The following TRAK1 variants were observed in gnomAD, a reference collection of about 807,000 sequenced individuals.
TRAK1 encodes the protein trafficking kinesin-binding protein 1.
TRAK1 carries 33 observed loss-of-function variants against 92.1 expected under a neutral mutation model. That is an observed-to-expected ratio of 0.36 (90% CI 0.27 to 0.48). The LOEUF (loss-of-function observed/expected upper bound fraction) is 0.48, where lower values mean the gene tolerates loss of function less well. Among genes scored for constraint, TRAK1 ranks in the 20% least tolerant of loss-of-function variants. TRAK1 has a pLI of 0.99. For synonymous variants in TRAK1, 521 were observed against 517.3 expected, an observed-to-expected ratio of 1.01 and a Z score of -0.10; for missense variants, 1,123 against 1,257.9, an observed-to-expected ratio of 0.89 and a Z score of 1.62.
In TRAK1 at chr3:42,210,035, G is replaced by C. The variant is rs373744575; in HGVS notation, c.1963+50G>C. On this transcript the variant is annotated intron_variant, in intron 14 of 15. Coordinates refer to ENST00000327628, the MANE Select transcript of TRAK1 (RefSeq NM_001042646.3). ...CTGTCTCAGGCAGCAGAAGTTACCC[G>C]AGCCGGCCTCAGGCTTCCCCAGAGG... is the stretch of plus-strand genomic sequence containing the variant. 31 of 1,614,120 alleles carry C rather than the reference G, an allele frequency of 1.9e-5. No individual in the cohort carries two copies. In the East Asian group the frequency reaches 6.7e-4, roughly 35 times the overall value.
intron 1 of TRAK1, among the ~76,000 whole-genome samples, chr3:42,047,159 A>G (rs2148908967): frequency 6.6e-6 from 1 of 151,410 alleles, no homozygotes; most frequent in Admixed American, 6.6e-5. Flanking sequence ...CATATGTTTA[A>G]TGGAGACAAG....
chr3:42,038,256 T>C (rs1427059595), intron 1 of TRAK1, among the ~76,000 whole-genome samples: 1 of 152,172 alleles, frequency 6.6e-6, no homozygotes, highest in Non-Finnish European at 1.5e-5. Context: ...CTTTTCTAGG[T>C]GCAAGGGTGT....
intron 2 of TRAK1, among the ~76,000 whole-genome samples, chr3:42,127,145 C>T (rs1358775598): frequency 3.9e-5 from 6 of 152,262 alleles, no homozygotes; most frequent in African/African-American, 1.4e-4. Context: ...CAGTAACCTC[C>T]TTGGTAGATT....
intron 2 of TRAK1, among the ~76,000 whole-genome samples, chr3:42,138,725 A>T (rs1310151038): frequency 2.0e-5 from 1 of 51,000 alleles, no homozygotes; most frequent in African/African-American, 1.0e-4. Context: ...CATATCTATT[A>T]AAAAAAAAAA....
At chr3:42,014,787 A>G (rs560521385) in intron 1 of TRAK1, among the ~76,000 whole-genome samples, 85 of 144,594 alleles carry the variant, frequency 5.9e-4, no homozygotes, top group African/African-American at 2.0e-3. Flanking sequence ...CCTTCAGAGT[A>G]TTCGTCGTTG....
chr3:42,022,940 C>T (rs1031531984), intron 1 of TRAK1, among the ~76,000 whole-genome samples: 5 of 151,778 alleles, frequency 3.3e-5, no homozygotes, highest in Admixed American at 1.3e-4. Flanking sequence ...TGGCGGATCA[C>T]GAGGTCAGGA....
At chr3:42,060,143 C>T (rs1703367770) in intron 1 of TRAK1, among the ~76,000 whole-genome samples, 2 of 151,852 alleles carry the variant, frequency 1.3e-5, no homozygotes, top group Non-Finnish European at 2.9e-5. Context: ...TAGCAGTGAA[C>T]AAAACACACA....
At chr3:42,094,457 A>G (rs1007242719) in intron 1 of TRAK1, among the ~76,000 whole-genome samples, 5 of 152,038 alleles carry the variant, frequency 3.3e-5, no homozygotes, top group Admixed American at 2.0e-4. Flanking sequence ...GTGTATTGCA[A>G]TCTTGAACTC....
chr3:42,052,412 G>T (rs1181223816), intron 1 of TRAK1, among the ~76,000 whole-genome samples: 2 of 152,222 alleles, frequency 1.3e-5, no homozygotes, highest in Non-Finnish European at 2.9e-5. Flanking sequence ...GTAGACTGGT[G>T]CAAAAGTCAG....
chr3:42,067,823 T>A (rs1703745707), intron 1 of TRAK1, among the ~76,000 whole-genome samples: 1 of 152,088 alleles, frequency 6.6e-6, no homozygotes, highest in African/African-American at 2.4e-5. Flanking sequence ...TTTTCTTTTT[T>A]GGCAATCACC....
rs374687016 is a variant in TRAK1, at chr3:42,174,860, C to T, written c.287-1954C>T. Among the ~76,000 whole-genome samples the T allele has an allele frequency of 6.4e-3, 964 of 151,806 alleles. 8 individuals are homozygous for T. Among genetic ancestry groups the T allele is most frequent in the South Asian group, 0.014 (66 of 4,792 alleles). On this transcript the variant is annotated intron_variant, in intron 2 of 15. Transcript: ENST00000327628. Reference sequence around the variant, plus strand: ...GGGATAACAGCCATTAGCCACCTCACCCGGCCCCCTCTGTGTTATTTCTTC... The same window carrying T: ...GGGATAACAGCCATTAGCCACCTCATCCGGCCCCCTCTGTGTTATTTCTTC...
At chr3:42,072,432 A>T (rs1348962164) in intron 1 of TRAK1, among the ~76,000 whole-genome samples, 6 of 152,178 alleles carry the variant, frequency 3.9e-5, no homozygotes, top group Admixed American at 1.3e-4. Flanking sequence ...CAGGCTCTGC[A>T]GCTCAGCCTC....
Position 42,073,244 on chromosome 3 carries a change from C to T in TRAK1, c.-518-13860C>T, listed in dbSNP as rs7651982. 3.5e-3 allele frequency among the ~76,000 whole-genome samples: 538 copies of T among 152,314 alleles called. 2 individuals are homozygous for T. Among genetic ancestry groups the T allele is most frequent in the Non-Finnish European group, 6.1e-3 (418 of 68,024 alleles). ...AGTTGTCCTTGACCCTTTGTCATCT[C>T]CTTCCCTGCGCCTTTGGTTACCCTG... On this transcript the variant is annotated intron_variant, in intron 1 of 16. Coordinates refer to the TRAK1 transcript ENST00000487159.
chr3:42,167,307 C>T (rs1488049407), intron 2 of TRAK1, among the ~76,000 whole-genome samples: 1 of 152,090 alleles, frequency 6.6e-6, no homozygotes, highest in Admixed American at 6.6e-5. Context: ...CAACTGTGGC[C>T]CAAAATGAGA....
chr3:42,045,156 T>C (rs1372264243), intron 1 of TRAK1, among the ~76,000 whole-genome samples: 1 of 152,230 alleles, frequency 6.6e-6, no homozygotes, highest in Non-Finnish European at 1.5e-5. Context: ...GAAGCTGGAC[T>C]CATGCTTCTG....
Position 42,202,443 on chromosome 3 carries a change from G to T in TRAK1, c.1435G>T (p.Glu479Ter). 1 of 1,479,660 alleles carries T rather than the reference G, an allele frequency of 6.8e-7. No homozygotes were observed. The highest frequency in any genetic ancestry group is 1.5e-5 in the South Asian group (1 of 67,594). The allele number at this position is 1,479,660 out of a possible 1,614,324, so 91.7% of individuals were successfully genotyped here. A position where few individuals can be genotyped will look rare whatever the true frequency, so the allele number is the denominator to read the frequency against. The change falls in exon 13 of 16, where the codon GAG becomes TAG. Residue 479 changes from glutamate to a stop codon, truncating the protein, a stop_gained. Transcript: ENST00000327628. LOFTEE classifies it high-confidence loss of function. The surrounding 1 kb of genome is among the most constrained non-coding windows in gnomAD (Gnocchi z 6.1). ...ACCCCTTTCTTCTTCCAGAAACGAT[G>T]AGCGGAGTAAGAAGCCGGGGACGCC... Reference protein sequence around the residue: ...ETEAADLGNDERSKKPGTPGT... With the variant: ...ETEAADLGND
At chr3:42,157,483 A>AAAAAAAAAAAAAAC (rs1700689409) in intron 2 of TRAK1, among the ~76,000 whole-genome samples, 1 of 147,770 alleles carries the variant, frequency 6.8e-6, no homozygotes, top group Non-Finnish European at 1.5e-5. Flanking sequence ...AAAAAAAAAA[A>AAAAAAAAAAAAAAC]AAAAAAGGTT....
At chr3:42,096,299 C>T (rs1705901378) in intron 1 of TRAK1, among the ~76,000 whole-genome samples, 1 of 152,124 alleles carries the variant, frequency 6.6e-6, no homozygotes, top group African/African-American at 2.4e-5. Flanking sequence ...GTTGCTCAGG[C>T]TGGAGTGTAG....
chr3:42,137,407 C>T (rs1316449115), intron 2 of TRAK1, among the ~76,000 whole-genome samples: 23 of 152,248 alleles, frequency 1.5e-4, no homozygotes, highest in Non-Finnish European at 1.0e-4. Context: ...TTTTTTTATC[C>T]GATACCTGAG....
Sources: allele counts gnomAD v4.1 joint callset (sites outside exome capture counted in the v4.1 genomes callset), GRCh38; gene constraint gnomAD v4.1.1; non-coding constraint Gnocchi (gnomAD v3.1); transcripts MANE v1.5; gene names NCBI Gene and HGNC (gene_info 2026-07-23, HGNC 2026-07-21).